RASGEF1C: variants seen among roughly 807,000 people sequenced by gnomAD.
RASGEF1C encodes the protein ras-GEF domain-containing family member 1C.
A neutral mutation model predicts 58.1 loss-of-function variants in RASGEF1C; 27 were observed. The observed-to-expected ratio is 0.46, with a 90% confidence interval of 0.34 to 0.64. RASGEF1C has a LOEUF of 0.64. Ranked by LOEUF, RASGEF1C falls within the 30% of genes least tolerant of loss-of-function variation. RASGEF1C has a pLI of 0.01. For missense variants in RASGEF1C, 502 were observed against 605.1 expected (o/e 0.83, Z 1.79); for synonymous variants, 243 against 246.3 (o/e 0.99, Z 0.13).
intron 1 of RASGEF1C, among the ~76,000 whole-genome samples, chr5:180,152,030 C>T (rs1427563586): frequency 6.7e-6 from 1 of 149,412 alleles, no homozygotes; most frequent in Non-Finnish European, 1.5e-5. Flanking sequence ...TACCATCTCA[C>T]ACCAGTTAGA....
chr5:180,134,344 G>A (rs1049368019), intron 4 of RASGEF1C, among the ~76,000 whole-genome samples: 6 of 152,002 alleles, frequency 3.9e-5, no homozygotes, highest in Admixed American at 3.9e-4. Flanking sequence ...TTCTCCAGGT[G>A]GATAGGTGCT....
rs1186372384 is a variant in RASGEF1C, at chr5:180,137,756, C to G, written c.178-44G>C. The G allele has an allele frequency of 6.2e-7, 1 of 1,609,132 alleles. No homozygotes were observed. The highest frequency in any genetic ancestry group is 8.5e-7 in the Non-Finnish European group (1 of 1,177,556). The stretch of plus-strand genomic sequence containing the variant: ...AGAGGGCACAGGCTCAGGAGGGCAC[C>G]AGGAGGGGCATGCTTCCCAGCTGGC... On this transcript the variant is annotated intron_variant, in intron 2 of 13. Coordinates refer to ENST00000361132, the MANE Select transcript of RASGEF1C (RefSeq NM_175062.4). This position sits in a 1 kb window ranked among gnomAD's most constrained non-coding sequence, Gnocchi z 4.1.
chr5:180,181,974 C>A (rs560047899), intron 1 of RASGEF1C, among the ~76,000 whole-genome samples: 1 of 151,394 alleles, frequency 6.6e-6, no homozygotes, highest in African/African-American at 2.4e-5. Flanking sequence ...GAGGCCGAGA[C>A]GGGCGGATCA....
intron 1 of RASGEF1C, among the ~76,000 whole-genome samples, chr5:180,191,242 C>T (rs1756156305): frequency 6.6e-6 from 1 of 152,210 alleles, no homozygotes; most frequent in African/African-American, 2.4e-5. Flanking sequence ...TTTCTTAAAA[C>T]ATTAAATGTG....
intron 10 of RASGEF1C, among the ~76,000 whole-genome samples, chr5:180,116,746 C>T (rs1319814946): frequency 6.6e-6 from 1 of 152,240 alleles, no homozygotes; most frequent in Non-Finnish European, 1.5e-5. Context: ...CCCAGCCCAG[C>T]TCGGCACCAA....
Position 180,143,201 on chromosome 5 carries a change from C to T in RASGEF1C, c.-6-5143G>A, listed in dbSNP as rs974126002. Among the ~76,000 whole-genome samples the T allele has an allele frequency of 2.7e-4, 41 of 152,300 alleles. No homozygotes were observed. Among genetic ancestry groups the T allele is most frequent in the African/African-American group, 9.6e-4 (40 of 41,570 alleles). Reference sequence around the variant, plus strand: ...CCACGTGCCACCCTGCAGGGGGGCACTCTGATGCCTGCCAGCACCCAGCTG... The same window carrying T: ...CCACGTGCCACCCTGCAGGGGGGCATTCTGATGCCTGCCAGCACCCAGCTG... On this transcript the variant is annotated intron_variant, in intron 1 of 13. Transcript: ENST00000361132. The surrounding 1 kb of genome is among the most constrained non-coding windows in gnomAD (Gnocchi z 4.3).
chr5:180,153,351 G>A (rs1018473957), intron 1 of RASGEF1C, among the ~76,000 whole-genome samples: 6 of 152,196 alleles, frequency 3.9e-5, no homozygotes, highest in African/African-American at 1.4e-4. Flanking sequence ...TGCACAGCCT[G>A]CCATGGGATT....
rs960868884 is a variant in RASGEF1C, at chr5:180,137,236, C to T, written c.300+354G>A. On this transcript the variant is annotated intron_variant, in intron 3 of 13. Transcript: ENST00000361132. This position sits in a 1 kb window ranked among gnomAD's most constrained non-coding sequence, Gnocchi z 4.1. The stretch of plus-strand genomic sequence containing the variant: ...CGACGCGTGTGCAATAGAGGCAGCC[C>T]GCAGGACCCGGCCAGGACTGGGAAG... 2.0e-5 allele frequency among the ~76,000 whole-genome samples: 3 copies of T among 152,120 alleles called. No homozygotes were observed. Among genetic ancestry groups the T allele is most frequent in the African/African-American group, 4.8e-5 (2 of 41,426 alleles).
At chr5:180,146,358 G>A (rs922935351) in intron 1 of RASGEF1C, among the ~76,000 whole-genome samples, 8 of 152,056 alleles carry the variant, frequency 5.3e-5, no homozygotes, top group Non-Finnish European at 7.4e-5. Flanking sequence ...ACCATGTTGC[G>A]CAGGCTGGTT....
rs1406412859 is a variant in RASGEF1C, at chr5:180,158,572, G to A, written c.-6-20514C>T. ...CTCTTAACTTTGTAGAATTTTCTTTGTTCCCGTAGGGTGACCTGTCATGCT... is the reference window on the plus strand; with the variant it reads ...CTCTTAACTTTGTAGAATTTTCTTTATTCCCGTAGGGTGACCTGTCATGCT... On this transcript the variant is annotated intron_variant, in intron 1 of 13. Transcript: ENST00000361132. This position sits in a 1 kb window ranked among gnomAD's most constrained non-coding sequence, Gnocchi z 4.0. 6.6e-6 allele frequency among the ~76,000 whole-genome samples: 1 copy of A among 152,072 alleles called. No homozygotes were observed. Among genetic ancestry groups the A allele is most frequent in the Non-Finnish European group, 1.5e-5 (1 of 68,010 alleles).
intron 3 of RASGEF1C, chr5:180,136,805 G>A: frequency 2.2e-6 from 1 of 461,118 alleles, no homozygotes; most frequent in Non-Finnish European, 3.9e-6. Flanking sequence ...TCAGAGCAGG[G>A]GACCCTGCCC....
rs375771853 is a variant in RASGEF1C at position 180,158,019 on chromosome 5, G to A, written c.-6-19961C>T. On this transcript the variant is annotated intron_variant, in intron 1 of 13. Coordinates refer to ENST00000361132, the MANE Select transcript of RASGEF1C (RefSeq NM_175062.4). This position sits in a 1 kb window ranked among gnomAD's most constrained non-coding sequence, Gnocchi z 4.0. ...TGTAACAAACATACCATTCTGGTGG[G>A]TGACGTCGATAATGGGGGAGGCTCT... 3.3e-5 allele frequency among the ~76,000 whole-genome samples: 5 copies of A among 152,310 alleles called. No homozygotes were observed. Among genetic ancestry groups the A allele is most frequent in the Non-Finnish European group, 1.5e-5 (1 of 68,042 alleles).
chr5:180,162,834 C>G (rs986156213), intron 1 of RASGEF1C, among the ~76,000 whole-genome samples: 1 of 152,126 alleles, frequency 6.6e-6, no homozygotes, highest in Non-Finnish European at 1.5e-5. Flanking sequence ...ACCTTTACTA[C>G]GTTGAGTCTT....
At chr5:180,138,157 G>C (rs932754191) in intron 1 of RASGEF1C, 99 bp from the exon 2 acceptor site, 3 of 699,918 alleles carry the variant, frequency 4.3e-6, no homozygotes, top group Admixed American at 6.8e-5. Flanking sequence ...GGCTGGGCAG[G>C]CTCCCCCCAC....
chr5:180,202,759 G>A (rs1756416716), intron 1 of RASGEF1C, among the ~76,000 whole-genome samples: 1 of 150,330 alleles, frequency 6.7e-6, no homozygotes, highest in Non-Finnish European at 1.5e-5. Context: ...CTGGAGTGCA[G>A]TGGCACAATC....
intron 1 of RASGEF1C, among the ~76,000 whole-genome samples, chr5:180,190,377 C>T (rs753523288): frequency 1.3e-5 from 2 of 151,058 alleles, no homozygotes; most frequent in African/African-American, 4.9e-5. Context: ...GTAGTCCCAG[C>T]TACTCGGGAG....
chr5:180,165,683 A>AAT (rs1554114329), intron 1 of RASGEF1C, among the ~76,000 whole-genome samples: 27,024 of 146,022 alleles, frequency 0.19, 2,709 homozygotes, highest in East Asian at 0.25. Flanking sequence ...AAAAAAAAAA[A>AAT]ATTCTTGTTC....
At chr5:180,201,865 A>G (rs1249200060) in intron 1 of RASGEF1C, among the ~76,000 whole-genome samples, 3 of 152,218 alleles carry the variant, frequency 2.0e-5, no homozygotes, top group African/African-American at 7.2e-5. Flanking sequence ...CCATCTGCGA[A>G]CCAGGATGCG....
intron 1 of RASGEF1C, among the ~76,000 whole-genome samples, chr5:180,157,933 A>G (rs924181822): frequency 2.6e-5 from 4 of 152,074 alleles, no homozygotes; most frequent in African/African-American, 9.7e-5. Context: ...ACCAAGCATG[A>G]CCCCCTAAGG....
Sources: gnomAD v4.1 joint callset for allele counts (sites outside exome capture counted in the v4.1 genomes callset) on GRCh38, gnomAD v4.1.1 for gene constraint, Gnocchi (gnomAD v3.1) non-coding constraint, MANE v1.5 for transcripts, NCBI Gene and HGNC (gene_info 2026-07-23, HGNC 2026-07-21) for gene names.